OSBPL9: variants seen among roughly 807,000 people sequenced by gnomAD.
The protein encoded by OSBPL9 is oxysterol binding protein like 9.
Under a neutral mutation model 106.6 loss-of-function variants are expected in OSBPL9, and 40 were observed. That is an observed-to-expected ratio of 0.38 (90% CI 0.29 to 0.49). OSBPL9 has a LOEUF of 0.49. Among genes scored for constraint, OSBPL9 ranks in the 20% least tolerant of loss-of-function variants. OSBPL9 has a pLI of 0.97. For missense variants in OSBPL9, 609 were observed against 887.2 expected, an observed-to-expected ratio of 0.69 and a Z score of 3.98; for synonymous variants, 269 against 295.4, an observed-to-expected ratio of 0.91 and a Z score of 0.92.
intron 12 of OSBPL9, among the ~76,000 whole-genome samples, chr1:51,767,626 G>T (rs1237666870): frequency 6.6e-6 from 1 of 152,074 alleles, no homozygotes; most frequent in Non-Finnish European, 1.5e-5. Context: ...GTCCTATGTG[G>T]TCTAGGTGAA....
rs574503847 is a variant in OSBPL9 at position 51,774,659 on chromosome 1, T to C, written c.1170+1936T>C. Among the ~76,000 whole-genome samples the C allele has an allele frequency of 2.6e-5, 4 of 152,298 alleles. No individual in the cohort carries two copies. In the East Asian group the frequency reaches 7.7e-4, roughly 29 times the overall value. ...TGTAATTATCTTCCTTTTCAGGTAC[T>C]TAGAGAAATTGAGTTAATTTTTCAG... On this transcript the variant is annotated intron_variant, in intron 14 of 23. Transcript: ENST00000428468.
the OSBPL9 span, among the ~76,000 whole-genome samples, chr1:51,530,170 CAAAAAAAAAAAAAAAAA>C: frequency 9.1e-5 from 1 of 11,036 alleles, no homozygotes; most frequent in Non-Finnish European, 1.6e-4. Context: ...GACTCTGTCT[CAAAAAAAAAAAAAAAAA>C]AAAAACAAAA....
chr1:51,669,590 G>T (rs1279348229), intron 3 of OSBPL9, 78 bp downstream of exon 3: 3 of 1,410,482 alleles, frequency 2.1e-6, no homozygotes. Flanking sequence ...TTTGCTGGAT[G>T]ACTTGAATGG....
intron 6 of OSBPL9, among the ~76,000 whole-genome samples, chr1:51,747,732 GA>G (rs1668325090): frequency 6.6e-6 from 1 of 152,012 alleles, no homozygotes; most frequent in Non-Finnish European, 1.5e-5. Context: ...TAAAATAAGT[GA>G]AATTCGTAGA....
At chr1:51,667,676 A>T (rs1156433848) in intron 2 of OSBPL9, among the ~76,000 whole-genome samples, 2 of 152,216 alleles carry the variant, frequency 1.3e-5, no homozygotes, top group Non-Finnish European at 2.9e-5. Context: ...GAAATATTTG[A>T]TACATCACAA....
chr1:51,656,126 T>TC (rs1557647206), intron 2 of OSBPL9, among the ~76,000 whole-genome samples: 1 of 152,192 alleles, frequency 6.6e-6, no homozygotes, highest in Non-Finnish European at 1.5e-5. Context: ...GTAGAAACAA[T>TC]CAGAGAGACC....
intron 12 of OSBPL9, among the ~76,000 whole-genome samples, chr1:51,768,089 C>G (rs1673008767): frequency 1.3e-5 from 2 of 151,542 alleles, no homozygotes; most frequent in Non-Finnish European, 2.9e-5. Context: ...CTACAGGCGC[C>G]CGCCACCACG....
intron 2 of OSBPL9, among the ~76,000 whole-genome samples, chr1:51,608,099 C>G (rs533754665): frequency 1.3e-5 from 2 of 152,276 alleles, no homozygotes; most frequent in African/African-American, 4.8e-5. Context: ...TTTTCCCTTA[C>G]CAGTCTAGTG....
At chr1:51,669,028 G>T (rs962031018) in intron 2 of OSBPL9, among the ~76,000 whole-genome samples, 17 of 152,158 alleles carry the variant, frequency 1.1e-4, no homozygotes, top group African/African-American at 4.1e-4. Context: ...CACAGAAGCA[G>T]CCTGCTGAAG....
chr1:51,594,711 T>C (rs2148602268), intron 1 of OSBPL9, among the ~76,000 whole-genome samples: 1 of 152,304 alleles, frequency 6.6e-6, no homozygotes, highest in East Asian at 1.9e-4. Context: ...GTCACACAGC[T>C]AGGAGGTAGC....
chr1:51,558,908 A>G, the OSBPL9 span, among the ~76,000 whole-genome samples: 1 of 152,166 alleles, frequency 6.6e-6, no homozygotes, highest in African/African-American at 2.4e-5. Flanking sequence ...AGGAGTCCCA[A>G]TGGTAAGAGG....
intron 4 of OSBPL9, among the ~76,000 whole-genome samples, chr1:51,724,466 G>T (rs1258458921): frequency 1.3e-5 from 2 of 151,250 alleles, no homozygotes; most frequent in Non-Finnish European, 2.9e-5. Flanking sequence ...TGCATTTTTA[G>T]TAGAGACGGG....
intron 1 of OSBPL9, among the ~76,000 whole-genome samples, chr1:51,621,500 C>T (rs1269714330): frequency 2.8e-5 from 4 of 145,386 alleles, no homozygotes; most frequent in East Asian, 3.9e-4. Context: ...AGCAAGACTC[C>T]GTCTCAAAAA....
In OSBPL9 at chr1:51,733,249, C is replaced by T. The variant is rs531937513; in HGVS notation, c.319-12287C>T. ...TGGGGTTCTCACTCATCTTTGTATC[C>T]CCGGGGCCTTTGTCCCTAGTTTAGT... On this transcript the variant is annotated intron_variant, in intron 4 of 23. Transcript: ENST00000428468. Among the ~76,000 whole-genome samples the T allele has an allele frequency of 4.6e-5, 7 of 152,276 alleles. No homozygotes were observed. In the South Asian group the frequency reaches 1.5e-3, roughly 32 times the overall value.
At chr1:51,673,581 G>A (rs928748123) in intron 3 of OSBPL9, among the ~76,000 whole-genome samples, 3 of 152,360 alleles carry the variant, frequency 2.0e-5, no homozygotes, top group Admixed American at 2.0e-4. Context: ...GGTGGGAGCA[G>A]TGTCTTTGGC....
the OSBPL9 span, among the ~76,000 whole-genome samples, chr1:51,531,037 G>A: frequency 2.8e-4 from 42 of 152,148 alleles, no homozygotes; most frequent in Admixed American, 2.0e-4. Flanking sequence ...ACTTTGGGAG[G>A]CCGAGACAGG....
At chr1:51,624,343 C>A (rs1276257840) in intron 1 of OSBPL9, among the ~76,000 whole-genome samples, 2 of 151,908 alleles carry the variant, frequency 1.3e-5, no homozygotes, top group Non-Finnish European at 2.9e-5. Flanking sequence ...TCCCCCAGCA[C>A]TTTGGGAGTC....
intron 22 of OSBPL9, 44 bp downstream of exon 22, chr1:51,786,661 A>C: frequency 6.5e-7 from 1 of 1,536,030 alleles, no homozygotes; most frequent in Non-Finnish European, 9.0e-7. Flanking sequence ...CAGTGCTTAA[A>C]CTTTGCCTAG....
intron 16 of OSBPL9, 87 bp from the exon 17 acceptor site, chr1:51,782,472 A>ATCTCGGT: frequency 1.9e-6 from 2 of 1,042,184 alleles, no homozygotes; most frequent in Non-Finnish European, 2.9e-6. Context: ...GTGTGTGTAG[A>ATCTCGGT]GCGAGCAGAG....
Sources: gnomAD v4.1 joint callset for allele counts (sites outside exome capture counted in the v4.1 genomes callset) on GRCh38, gnomAD v4.1.1 for gene constraint, MANE v1.5 for transcripts, NCBI Gene and HGNC (gene_info 2026-07-23, HGNC 2026-07-21) for gene names.